ADGRB3: variants seen among roughly 807,000 people sequenced by gnomAD.
ADGRB3 encodes brain-specific angiogenesis inhibitor 3.
A neutral mutation model predicts 193.4 loss-of-function variants in ADGRB3; 37 were observed. That is an observed-to-expected ratio of 0.19 (90% CI 0.15 to 0.25). ADGRB3 has a LOEUF of 0.25. Among genes scored for constraint, ADGRB3 ranks in the 10% least tolerant of loss-of-function variants. ADGRB3 has a pLI of 1.00. For missense variants in ADGRB3, 1,637 were observed against 1,852.9 expected (o/e 0.88, Z 2.14); for synonymous variants, 690 against 644.2 (o/e 1.07, Z -1.08).
At chr6:68,881,120 G>A (rs989434862) in intron 3 of ADGRB3, among the ~76,000 whole-genome samples, 1 of 151,818 alleles carries the variant, frequency 6.6e-6, no homozygotes, top group African/African-American at 2.4e-5. Context: ...AAGAGATCTG[G>A]GGCAAGCAGC....
intron 3 of ADGRB3, among the ~76,000 whole-genome samples, chr6:68,673,162 G>A (rs1046957369): frequency 2.6e-5 from 4 of 152,036 alleles, no homozygotes; most frequent in Non-Finnish European, 5.9e-5. Context: ...TCAAGGGTTC[G>A]AATGGGTATA....
chr6:69,047,801 G>C (rs1171993021), intron 13 of ADGRB3, among the ~76,000 whole-genome samples: 2 of 152,090 alleles, frequency 1.3e-5, no homozygotes, highest in Non-Finnish European at 2.9e-5. Flanking sequence ...AGGTTTAAAT[G>C]CAAATTTCAA....
At chr6:69,186,822 G>A (rs1190447532) in intron 17 of ADGRB3, among the ~76,000 whole-genome samples, 5 of 151,874 alleles carry the variant, frequency 3.3e-5, no homozygotes, top group African/African-American at 7.2e-5. Context: ...GTGTGTGTGC[G>A]CATACATTTT....
chr6:68,795,143 C>T (rs1220768149), intron 3 of ADGRB3, among the ~76,000 whole-genome samples: 4 of 151,892 alleles, frequency 2.6e-5, no homozygotes, highest in Non-Finnish European at 5.9e-5. Flanking sequence ...GAATCCATGT[C>T]CCCAGCAGTC....
At chr6:69,275,765 T>C (rs997302008) in intron 20 of ADGRB3, among the ~76,000 whole-genome samples, 2 of 152,150 alleles carry the variant, frequency 1.3e-5, no homozygotes, top group Non-Finnish European at 2.9e-5. Flanking sequence ...ATTAGACTAG[T>C]AGATATTTTC....
chr6:69,010,318 C>G (rs1769895249), intron 11 of ADGRB3, among the ~76,000 whole-genome samples: 2 of 151,958 alleles, frequency 1.3e-5, no homozygotes, highest in African/African-American at 2.4e-5. Context: ...TGAATCAGTT[C>G]TGTTCTGTAC....
At chr6:69,170,781 C>T (rs527445219) in intron 17 of ADGRB3, among the ~76,000 whole-genome samples, 13 of 152,008 alleles carry the variant, frequency 8.6e-5, no homozygotes, top group African/African-American at 2.9e-4. Flanking sequence ...AGCAAGAGCT[C>T]GAAAGGTAAG....
intron 8 of ADGRB3, among the ~76,000 whole-genome samples, chr6:68,958,825 C>T (rs951679068): frequency 6.7e-6 from 1 of 150,328 alleles, no homozygotes; most frequent in African/African-American, 2.5e-5. Context: ...CTTGAATCAG[C>T]TAAATAATTT....
intron 3 of ADGRB3, among the ~76,000 whole-genome samples, chr6:68,880,520 G>A (rs774062049): frequency 6.6e-6 from 1 of 152,078 alleles, no homozygotes; most frequent in Non-Finnish European, 1.5e-5. Flanking sequence ...ATTCCATCTA[G>A]CAACACTCCT....
intron 15 of ADGRB3, among the ~76,000 whole-genome samples, chr6:69,050,204 A>T (rs1243209137): frequency 2.0e-5 from 3 of 152,150 alleles, no homozygotes; most frequent in Non-Finnish European, 4.4e-5. Flanking sequence ...ATAAATAAAA[A>T]CAATTAGAGT....
chr6:68,854,047 T>C (rs1187874754), intron 3 of ADGRB3, among the ~76,000 whole-genome samples: 1 of 152,158 alleles, frequency 6.6e-6, no homozygotes, highest in Admixed American at 6.5e-5. Context: ...GTGATCTATA[T>C]AAAAATGGCT....
chr6:68,804,715 T>C lies in ADGRB3; in HGVS notation c.758-125844T>C, dbSNP rs573299298. 6.8e-4 allele frequency among the ~76,000 whole-genome samples: 103 copies of C among 152,250 alleles called. 2 individuals are homozygous for C. The highest frequency in any genetic ancestry group is 2.4e-3 in the African/African-American group (98 of 41,574). ...AATTTAAATGTTGAATTTGCACTTA[T>C]GAGGAGAAAAATGTAGACTTTTCTT... is the stretch of plus-strand genomic sequence containing the variant. On this transcript the variant is annotated intron_variant, in intron 3 of 31. Coordinates refer to ENST00000370598, the MANE Select transcript of ADGRB3 (RefSeq NM_001704.3).
intron 20 of ADGRB3, among the ~76,000 whole-genome samples, chr6:69,309,682 G>A (rs545457995): frequency 6.6e-5 from 10 of 151,654 alleles, no homozygotes; most frequent in African/African-American, 2.4e-4. Flanking sequence ...ATGTATCAAG[G>A]GTTCTCTTCC....
At chr6:69,051,454 C>T (rs2150303146) in intron 15 of ADGRB3, among the ~76,000 whole-genome samples, 1 of 152,162 alleles carries the variant, frequency 6.6e-6, no homozygotes, top group South Asian at 2.1e-4. Flanking sequence ...TTCTTTGTAT[C>T]CATAAAGTAA....
intron 20 of ADGRB3, among the ~76,000 whole-genome samples, chr6:69,293,986 G>C (rs1007608316): frequency 6.6e-6 from 1 of 152,092 alleles, no homozygotes; most frequent in Admixed American, 6.6e-5. Context: ...CAAATTTTGA[G>C]GGTCTGCCAA....
intron 17 of ADGRB3, among the ~76,000 whole-genome samples, chr6:69,182,293 A>G (rs1775605179): frequency 6.6e-6 from 1 of 152,084 alleles, no homozygotes; most frequent in African/African-American, 2.4e-5. Flanking sequence ...AGTTACATAA[A>G]CAAAATCTCA....
chr6:69,072,596 CTTATA>C (rs1772108061), intron 16 of ADGRB3, among the ~76,000 whole-genome samples: 1 of 151,926 alleles, frequency 6.6e-6, no homozygotes. Context: ...TAGTCCGTAT[CTTATA>C]TTAGTTTATA....
rs575042366 is a variant in ADGRB3 at position 69,326,138 on chromosome 6, G to T, written c.2965+1116G>T. Reference sequence around the variant, plus strand: ...CATACCTGTAGTCCCAGCTACTCGGGAGGCTAAGGTGGGAGGATTGCATGA... The same window carrying T: ...CATACCTGTAGTCCCAGCTACTCGGTAGGCTAAGGTGGGAGGATTGCATGA... On this transcript the variant is annotated intron_variant, in intron 21 of 31. Transcript: ENST00000370598. 2.6e-5 allele frequency among the ~76,000 whole-genome samples: 4 copies of T among 152,268 alleles called. No individual in the cohort carries two copies. The South Asian group carries it at 8.3e-4, about 32-fold the overall frequency.
chr6:68,644,429 C>T (rs548949140), intron 3 of ADGRB3, among the ~76,000 whole-genome samples: 1 of 152,094 alleles, frequency 6.6e-6, no homozygotes, highest in South Asian at 2.1e-4. Flanking sequence ...GAAAATTAGC[C>T]ATTTTCTATC....
Sources: gnomAD v4.1 joint callset for allele counts (sites outside exome capture counted in the v4.1 genomes callset) on GRCh38, gnomAD v4.1.1 for gene constraint, MANE v1.5 for transcripts, NCBI Gene and HGNC (gene_info 2026-07-23, HGNC 2026-07-21) for gene names.